The following BNC2 variants were observed in gnomAD, a reference collection of about 807,000 sequenced individuals.
The protein encoded by BNC2 is basonuclin zinc finger protein 2.
In BNC2, 20 loss-of-function variants were observed where a neutral mutation model predicts 76.3. That is an observed-to-expected ratio of 0.26 (90% CI 0.18 to 0.38). The LOEUF (loss-of-function observed/expected upper bound fraction) is 0.38, where lower values mean the gene tolerates loss of function less well. Among genes scored for constraint, BNC2 ranks in the 10% least tolerant of loss-of-function variants. BNC2 has a pLI of 1.00. For synonymous variants in BNC2, 582 were observed against 514.8 expected (o/e 1.13, Z -1.77); for missense variants, 1,382 against 1,399.8 (o/e 0.99, Z 0.20).
At position 16,453,289 on chromosome 9, in the gene BNC2, T is replaced by C. The variant is rs535147265; in HGVS notation, c.670-15765A>G. On this transcript the variant is annotated intron_variant, in intron 5 of 6. Transcript: ENST00000380672. ...AAGTTGTCTAATATCATGAAGTGAG[T>C]AATTTTCGAAGCCATGATTCAAAGA... is the stretch of plus-strand genomic sequence containing the variant. Among the ~76,000 whole-genome samples, 8 of 152,188 alleles carry C rather than the reference T, an allele frequency of 5.3e-5. No individual in the cohort carries two copies. In the East Asian group the frequency reaches 1.5e-3, roughly 29 times the overall value.
chr9:16,532,637 G>A (rs1315829470), intron 5 of BNC2, among the ~76,000 whole-genome samples: 6 of 151,994 alleles, frequency 3.9e-5, no homozygotes, highest in African/African-American at 7.2e-5. Flanking sequence ...AACATGCAAT[G>A]AAAAAAATTA....
At chr9:16,567,076 G>C (rs1467599438) in intron 4 of BNC2, among the ~76,000 whole-genome samples, 1 of 152,090 alleles carries the variant, frequency 6.6e-6, no homozygotes, top group Non-Finnish European at 1.5e-5. Flanking sequence ...CAAAACAAAG[G>C]AGAAATTGAG....
chr9:16,677,235 T>G (rs1353349311), intron 3 of BNC2, among the ~76,000 whole-genome samples: 1 of 152,168 alleles, frequency 6.6e-6, no homozygotes, highest in African/African-American at 2.4e-5. Context: ...GCTGAAGAAC[T>G]CATCTTTCTA....
chr9:16,492,622 G>A (rs772474965), intron 5 of BNC2, among the ~76,000 whole-genome samples: 49 of 152,092 alleles, frequency 3.2e-4, no homozygotes, highest in African/African-American at 7.2e-5. Context: ...ATGGTCCACT[G>A]AGAAATCATA....
intron 3 of BNC2, among the ~76,000 whole-genome samples, chr9:16,610,154 C>T (rs546475455): frequency 5.3e-5 from 8 of 151,832 alleles, no homozygotes; most frequent in Non-Finnish European, 7.4e-5. Context: ...AAAAACTGGG[C>T]GCACCATGTA....
intron 3 of BNC2, among the ~76,000 whole-genome samples, chr9:16,664,836 C>T (rs896925498): frequency 6.7e-5 from 10 of 150,328 alleles, no homozygotes; most frequent in African/African-American, 2.5e-4. Context: ...TTCATGTCCA[C>T]GTGAAATGTG....
chr9:16,522,159 G>A (rs1371025456), intron 5 of BNC2, among the ~76,000 whole-genome samples: 2 of 152,210 alleles, frequency 1.3e-5, no homozygotes, highest in Admixed American at 6.5e-5. Context: ...CCCTGAAAAG[G>A]GGGGCAGGAG....
At chr9:16,691,543 T>TCTGTCA (rs1823167133) in intron 3 of BNC2, among the ~76,000 whole-genome samples, 1 of 142,742 alleles carries the variant, frequency 7.0e-6, no homozygotes, top group Non-Finnish European at 1.5e-5. Context: ...AGAGTCTCAT[T>TCTGTCA]CTGTCACCCA....
intron 5 of BNC2, among the ~76,000 whole-genome samples, chr9:16,504,690 C>G (rs1381299252): frequency 6.6e-6 from 1 of 152,076 alleles, no homozygotes; most frequent in Non-Finnish European, 1.5e-5. Flanking sequence ...CAAATTAGAA[C>G]TGTGGAACCA....
At position 16,864,391 on chromosome 9, in the gene BNC2, C is replaced by T. The variant is rs114507277; in HGVS notation, c.3+6255G>A. Among the ~76,000 whole-genome samples, 643 of 152,274 alleles carry T rather than the reference C, an allele frequency of 4.2e-3. 4 individuals are homozygous for T. The highest frequency in any genetic ancestry group is 0.015 in the African/African-American group (619 of 41,554). ...TCACCAGAAATACTGCTTTTGTCCT[C>T]TGAAAGATTTGAAAAAAGAAAATAA... On this transcript the variant is annotated intron_variant, in intron 1 of 6. Coordinates refer to ENST00000380672, the MANE Select transcript of BNC2 (RefSeq NM_017637.6).
chr9:16,682,200 CT>C (rs1325563958), intron 3 of BNC2, among the ~76,000 whole-genome samples: 1 of 150,928 alleles, frequency 6.6e-6, no homozygotes, highest in East Asian at 2.0e-4. Context: ...AATTTGCTGG[CT>C]TCATTGTGAG....
At chr9:16,741,134 G>A (rs60301783) in intron 1 of BNC2, among the ~76,000 whole-genome samples, 7,759 of 152,130 alleles carry the variant, frequency 0.051, 684 homozygotes, top group African/African-American at 0.18. Context: ...GGAAGGAATC[G>A]AGGAGTACTA....
chr9:16,552,492 G>A (rs369168213), intron 5 of BNC2, 38 bp downstream of exon 5: 38 of 1,579,754 alleles, frequency 2.4e-5, no homozygotes, highest in South Asian at 4.5e-5. Context: ...ACCCACAGTC[G>A]GCCCCGGACA....
chr9:16,590,455 A>G (rs539238730), intron 3 of BNC2, among the ~76,000 whole-genome samples: 1 of 151,998 alleles, frequency 6.6e-6, no homozygotes, highest in African/African-American at 2.4e-5. Flanking sequence ...GGCCTCCCAA[A>G]GTGCTAGGAT....
intron 3 of BNC2, among the ~76,000 whole-genome samples, chr9:16,701,289 C>G (rs1309605543): frequency 6.6e-6 from 1 of 152,096 alleles, no homozygotes; most frequent in East Asian, 1.9e-4. Flanking sequence ...TTTTAAATAG[C>G]TAGCTTAAAT....
intron 1 of BNC2, among the ~76,000 whole-genome samples, chr9:16,820,701 A>C (rs1439113227): frequency 3.3e-5 from 5 of 152,142 alleles, no homozygotes; most frequent in Admixed American, 6.5e-5. Context: ...TAGAGGAAAA[A>C]TATTTCTCAC....
At chr9:16,621,622 G>A (rs1820870121) in intron 3 of BNC2, among the ~76,000 whole-genome samples, 1 of 152,210 alleles carries the variant, frequency 6.6e-6, no homozygotes, top group Non-Finnish European at 1.5e-5. Context: ...GAAAATCCAA[G>A]TCAACCCTTT....
At chr9:16,752,576 G>C (rs1825252599) in intron 1 of BNC2, among the ~76,000 whole-genome samples, 1 of 152,030 alleles carries the variant, frequency 6.6e-6, no homozygotes, top group Non-Finnish European at 1.5e-5. Context: ...CAAATTACTT[G>C]GCAATCACAC....
intron 1 of BNC2, among the ~76,000 whole-genome samples, chr9:16,792,735 A>G (rs536615566): frequency 6.6e-6 from 1 of 152,380 alleles, no homozygotes; most frequent in South Asian, 2.1e-4. Context: ...TAAAAAAGCT[A>G]GAGTGCTATA....
Sources: gnomAD v4.1 joint callset for allele counts (sites outside exome capture counted in the v4.1 genomes callset) on GRCh38, gnomAD v4.1.1 for gene constraint, MANE v1.5 for transcripts, NCBI Gene and HGNC (gene_info 2026-07-23, HGNC 2026-07-21) for gene names.